RPH3A: variants seen among roughly 807,000 people sequenced by gnomAD.
RPH3A encodes the protein rabphilin 3A.
A neutral mutation model predicts 102.2 loss-of-function variants in RPH3A; 48 were observed. That is an observed-to-expected ratio of 0.47 (90% confidence interval 0.37 to 0.60). The LOEUF is 0.60. Ranked by LOEUF, RPH3A falls within the 20% of genes least tolerant of loss-of-function variation. The pLI is 0.00. For missense variants in RPH3A, 781 were observed against 910.1 expected (o/e 0.86, Z 1.83); for synonymous variants, 310 against 324.3 (o/e 0.96, Z 0.47).
intron 2 of RPH3A, among the ~76,000 whole-genome samples, chr12:112,807,333 GCAC>G (rs1181835658): frequency 6.6e-6 from 1 of 152,136 alleles, no homozygotes; most frequent in Non-Finnish European, 1.5e-5. Context: ...CCTCTTCACA[GCAC>G]CAACTACCTG....
chr12:112,673,328 A>G (rs549250114), intron 1 of RPH3A, among the ~76,000 whole-genome samples: 1 of 152,036 alleles, frequency 6.6e-6, no homozygotes, highest in East Asian at 1.9e-4. Flanking sequence ...CTTTACATTT[A>G]TCTATTTATT....
intron 1 of RPH3A, among the ~76,000 whole-genome samples, chr12:112,621,157 G>C (rs925350351): frequency 6.6e-6 from 1 of 151,990 alleles, no homozygotes; most frequent in Non-Finnish European, 1.5e-5. Context: ...AATTCCTTCA[G>C]TGACTGTTTA....
chr12:112,632,707 C>T (rs2039815365), intron 1 of RPH3A, among the ~76,000 whole-genome samples: 1 of 152,146 alleles, frequency 6.6e-6, no homozygotes. Context: ...TGCCTGGAGA[C>T]AATTTTGATT....
At chr12:112,784,020 A>ATC (rs1028919237) in intron 1 of RPH3A, among the ~76,000 whole-genome samples, 4 of 152,080 alleles carry the variant, frequency 2.6e-5, no homozygotes, top group African/African-American at 9.7e-5. Context: ...CTGGAAATAG[A>ATC]TCTCTCTCTC....
intron 1 of RPH3A, among the ~76,000 whole-genome samples, chr12:112,690,080 T>C (rs1009070550): frequency 6.6e-6 from 1 of 152,254 alleles, no homozygotes; most frequent in African/African-American, 2.4e-5. Context: ...GATTGTCCCA[T>C]TTAATGTTAT....
At chr12:112,708,146 A>G (rs1055024381) in intron 1 of RPH3A, among the ~76,000 whole-genome samples, 3 of 152,236 alleles carry the variant, frequency 2.0e-5, no homozygotes, top group Non-Finnish European at 4.4e-5. Flanking sequence ...ATCTATAGGA[A>G]CAATGAGGAA....
At chr12:112,639,335 A>G (rs1196955431) in intron 1 of RPH3A, among the ~76,000 whole-genome samples, 4 of 152,228 alleles carry the variant, frequency 2.6e-5, no homozygotes, top group Admixed American at 2.6e-4. Flanking sequence ...GAACGAGATC[A>G]TGTCCTTTGC....
intron 19 of RPH3A, 56 bp downstream of exon 19, chr12:112,891,059 A>G: frequency 1.3e-6 from 2 of 1,591,802 alleles, no homozygotes; most frequent in South Asian, 2.3e-5. Context: ...GGAGCCTTGG[A>G]AAAGGAGAAC....
intron 1 of RPH3A, among the ~76,000 whole-genome samples, chr12:112,744,727 G>T (rs2040732224): frequency 6.6e-6 from 1 of 152,168 alleles, no homozygotes; most frequent in Non-Finnish European, 1.5e-5. Context: ...GGTTGACAAG[G>T]TCGCACAGTC....
chr12:112,622,575 C>T (rs1181319012), intron 1 of RPH3A, among the ~76,000 whole-genome samples: 4 of 149,502 alleles, frequency 2.7e-5, no homozygotes, highest in Non-Finnish European at 4.5e-5. Context: ...ACCAAATGTA[C>T]GTCTGATTGG....
rs757147809 is a variant in RPH3A at position 112,869,873 on chromosome 12, A to G, written c.650-20A>G. ...TCCCTCGATGCCCTTTCTCTACTCAATTCATGCTCTTCTTTCCAGGCCCTG... is the reference window on the plus strand; with the variant it reads ...TCCCTCGATGCCCTTTCTCTACTCAGTTCATGCTCTTCTTTCCAGGCCCTG... On this transcript the variant is annotated intron_variant, in intron 9 of 21. Coordinates refer to ENST00000389385, the MANE Select transcript of RPH3A (RefSeq NM_001143854.2). 6.2e-7 allele frequency: 1 copy of G among 1,614,048 alleles called. No individual in the cohort carries two copies. The highest frequency in any genetic ancestry group is 8.5e-7 in the Non-Finnish European group (1 of 1,179,980).
At chr12:112,770,414 T>C (rs951580731) in intron 1 of RPH3A, among the ~76,000 whole-genome samples, 1 of 152,134 alleles carries the variant, frequency 6.6e-6, no homozygotes, top group Non-Finnish European at 1.5e-5. Context: ...GGCGAGATCT[T>C]GGCTCACTAC....
intron 1 of RPH3A, among the ~76,000 whole-genome samples, chr12:112,713,100 C>CTTCTTCTTCTTCTTCTTCTTTTT (rs2040491115): frequency 1.1e-5 from 1 of 91,166 alleles, no homozygotes; most frequent in African/African-American, 3.5e-5. Flanking sequence ...TCTTCTTCTT[C>CTTCTTCTTCTTCTTCTTCTTTTT]TTTTATTTTT....
chr12:112,800,538 A>G (rs1458884806), intron 2 of RPH3A, among the ~76,000 whole-genome samples: 1 of 152,084 alleles, frequency 6.6e-6, no homozygotes, highest in African/African-American at 2.4e-5. Flanking sequence ...CTAATTTACA[A>G]TGTTAGTAAT....
At chr12:112,870,515 G>C (rs1298623848) in intron 10 of RPH3A, among the ~76,000 whole-genome samples, 1 of 151,994 alleles carries the variant, frequency 6.6e-6, no homozygotes, top group Non-Finnish European at 1.5e-5. Flanking sequence ...ACTCTTGGTG[G>C]GTTTATTTGG....
At chr12:112,751,509 G>A (rs2040785800) in intron 1 of RPH3A, among the ~76,000 whole-genome samples, 2 of 152,154 alleles carry the variant, frequency 1.3e-5, no homozygotes. Context: ...CTGGCATGAA[G>A]TCCATGCTCA....
chr12:112,777,780 T>C (rs968005345), intron 1 of RPH3A, among the ~76,000 whole-genome samples: 1 of 152,248 alleles, frequency 6.6e-6, no homozygotes, highest in Non-Finnish European at 1.5e-5. Context: ...CAGCACAGGC[T>C]GCAATTTTGC....
At chr12:112,889,479 C>T (rs1004243881) in intron 17 of RPH3A, among the ~76,000 whole-genome samples, 5 of 152,238 alleles carry the variant, frequency 3.3e-5, no homozygotes, top group African/African-American at 9.6e-5. Context: ...CCACGAACTT[C>T]CCCCATTATG....
intron 1 of RPH3A, among the ~76,000 whole-genome samples, chr12:112,660,814 T>C (rs1240988851): frequency 1.3e-5 from 2 of 152,204 alleles, no homozygotes; most frequent in Admixed American, 1.3e-4. Context: ...TTCAAATCTA[T>C]GAAGTCTAGT....
Sources: allele counts gnomAD v4.1 joint callset (sites outside exome capture counted in the v4.1 genomes callset), GRCh38; gene constraint gnomAD v4.1.1; transcripts MANE v1.5; gene names NCBI Gene and HGNC (gene_info 2026-07-23, HGNC 2026-07-21).